The following TRABD2B variants were observed in gnomAD, a reference collection of about 807,000 sequenced individuals.
TRABD2B encodes TraB domain containing 2B, also known as metalloprotease TIKI2.
Under a neutral mutation model 40.1 loss-of-function variants are expected in TRABD2B, and 14 were observed. The observed-to-expected ratio is 0.35, with a 90% CI of 0.23 to 0.55. The LOEUF is 0.55. Among genes scored for constraint, TRABD2B ranks in the 20% least tolerant of loss-of-function variants. TRABD2B has a pLI of 0.90. For missense variants in TRABD2B, 541 were observed against 648.6 expected (o/e 0.83, Z 1.80); for synonymous variants, 263 against 277.0 (o/e 0.95, Z 0.50).
intron 2 of TRABD2B, among the ~76,000 whole-genome samples, chr1:47,879,764 T>G (rs1644275835): frequency 6.6e-6 from 1 of 152,240 alleles, no homozygotes; most frequent in African/African-American, 2.4e-5. Context: ...AACTTGTTCT[T>G]AAGGAGGCCA....
chr1:47,949,501 G>A (rs769544267), intron 2 of TRABD2B, among the ~76,000 whole-genome samples: 5 of 139,624 alleles, frequency 3.6e-5, no homozygotes, highest in Non-Finnish European at 3.0e-5. Flanking sequence ...TCTGCCTCCC[G>A]GGTTCAAGTG....
intron 2 of TRABD2B, among the ~76,000 whole-genome samples, chr1:47,956,687 T>C (rs1398804377): frequency 6.6e-6 from 1 of 152,098 alleles, no homozygotes; most frequent in Non-Finnish European, 1.5e-5. Flanking sequence ...GAGGCTTGAG[T>C]AGGTAAACAA....
At chr1:47,896,558 AGAT>A (rs1441767133) in intron 2 of TRABD2B, among the ~76,000 whole-genome samples, 2 of 152,202 alleles carry the variant, frequency 1.3e-5, no homozygotes, top group Admixed American at 6.5e-5. Context: ...TGCTTCCCAA[AGAT>A]GTTGTAGCGA....
intron 2 of TRABD2B, among the ~76,000 whole-genome samples, chr1:47,913,529 G>A (rs991647109): frequency 6.6e-6 from 1 of 152,144 alleles, no homozygotes; most frequent in African/African-American, 2.4e-5. Context: ...GACCTTTCCT[G>A]CCTGGCTTTC....
intron 2 of TRABD2B, among the ~76,000 whole-genome samples, chr1:47,911,958 G>A (rs927612556): frequency 6.6e-6 from 1 of 152,232 alleles, no homozygotes; most frequent in Non-Finnish European, 1.5e-5. Flanking sequence ...CAGTCATGGA[G>A]TGAATGTAAT....
intron 3 of TRABD2B, among the ~76,000 whole-genome samples, chr1:47,798,857 C>T (rs1257898935): frequency 6.6e-6 from 1 of 152,220 alleles, no homozygotes; most frequent in Non-Finnish European, 1.5e-5. Flanking sequence ...CCACCTCCAA[C>T]AGATCCTCAT....
intron 2 of TRABD2B, among the ~76,000 whole-genome samples, chr1:47,915,941 C>T (rs78223152): frequency 3.9e-5 from 6 of 152,316 alleles, no homozygotes; most frequent in Admixed American, 1.3e-4. Flanking sequence ...TTTTTCATTG[C>T]TGGCCCCTGT....
chr1:47,885,076 C>CA (rs765508954), intron 2 of TRABD2B, among the ~76,000 whole-genome samples: 3 of 151,996 alleles, frequency 2.0e-5, no homozygotes, highest in Non-Finnish European at 2.9e-5. Context: ...GGACCTGGTC[C>CA]AATTCACCTC....
At chr1:47,973,714 A>G (rs551373973) in intron 2 of TRABD2B, among the ~76,000 whole-genome samples, 2 of 152,274 alleles carry the variant, frequency 1.3e-5, no homozygotes, top group East Asian at 3.9e-4. Context: ...CACCTGAACT[A>G]TTCTAATAGC....
intron 2 of TRABD2B, among the ~76,000 whole-genome samples, chr1:47,954,782 A>G (rs563512793): frequency 1.3e-5 from 2 of 152,242 alleles, no homozygotes; most frequent in Non-Finnish European, 1.5e-5. Flanking sequence ...TGCTTCCTGC[A>G]TCTCTGGCCA....
chr1:47,845,671 G>C (rs1194593808), intron 2 of TRABD2B, among the ~76,000 whole-genome samples: 1 of 152,188 alleles, frequency 6.6e-6, no homozygotes, highest in Non-Finnish European at 1.5e-5. Context: ...ATTCATTATA[G>C]AGTGGGTGTT....
chr1:47,886,951 A>G (rs150168570), intron 2 of TRABD2B, among the ~76,000 whole-genome samples: 1 of 152,218 alleles, frequency 6.6e-6, no homozygotes, highest in Non-Finnish European at 1.5e-5. Context: ...CAGTTTTGAG[A>G]ACATGGAAGT....
At chr1:47,835,451 T>A (rs954052291) in intron 2 of TRABD2B, among the ~76,000 whole-genome samples, 2 of 150,140 alleles carry the variant, frequency 1.3e-5, no homozygotes, top group African/African-American at 2.5e-5. Flanking sequence ...CCAAGTAGGA[T>A]AAATTCAAAG....
intron 2 of TRABD2B, among the ~76,000 whole-genome samples, chr1:47,823,823 C>G (rs955372093): frequency 6.0e-4 from 91 of 152,318 alleles, no homozygotes; most frequent in African/African-American, 2.0e-3. Flanking sequence ...TCTGTCGATT[C>G]CTACTTCAGA....
intron 2 of TRABD2B, among the ~76,000 whole-genome samples, chr1:47,984,614 C>T (rs1278733807): frequency 6.6e-6 from 1 of 152,212 alleles, no homozygotes; most frequent in Non-Finnish European, 1.5e-5. Flanking sequence ...GAACTGCTCT[C>T]GGCCCTCAAA....
chr1:47,844,658 C>T (rs905552936), intron 2 of TRABD2B, among the ~76,000 whole-genome samples: 1 of 152,148 alleles, frequency 6.6e-6, no homozygotes, highest in African/African-American at 2.4e-5. Context: ...GAGAAAAAAG[C>T]ATAAAGTGAT....
intron 4 of TRABD2B, among the ~76,000 whole-genome samples, chr1:47,784,954 C>A (rs1238159907): frequency 6.6e-6 from 1 of 152,164 alleles, no homozygotes; most frequent in Non-Finnish European, 1.5e-5. Context: ...CAGCATGAGC[C>A]ATGCAGTGCC....
chr1:47,868,074 C>G (rs1268588234), intron 2 of TRABD2B, among the ~76,000 whole-genome samples: 2 of 152,108 alleles, frequency 1.3e-5, no homozygotes, highest in African/African-American at 4.8e-5. Flanking sequence ...GAATTCCTAC[C>G]TAATGTGAAA....
intron 2 of TRABD2B, among the ~76,000 whole-genome samples, chr1:47,922,679 C>T (rs945766574): frequency 1.3e-5 from 2 of 152,186 alleles, no homozygotes; most frequent in African/African-American, 2.4e-5. Flanking sequence ...GATCCGATCA[C>T]ACACAATGCT....
Sources: gnomAD v4.1 joint callset for allele counts (sites outside exome capture counted in the v4.1 genomes callset) on GRCh38, gnomAD v4.1.1 for gene constraint, MANE v1.5 for transcripts, NCBI Gene and HGNC (gene_info 2026-07-23, HGNC 2026-07-21) for gene names.